Variants in PCDH9 observed in about 807,000 individuals in gnomAD.
The protein encoded by PCDH9 is protocadherin 9.
Under a neutral mutation model 70.6 loss-of-function variants are expected in PCDH9, and 24 were observed. The observed-to-expected ratio is 0.34, with a 90% CI of 0.25 to 0.48. PCDH9 has a LOEUF of 0.48. PCDH9 is among the 20% of genes least tolerant of loss of function. PCDH9 has a pLI of 0.99. For missense variants in PCDH9, 1,281 were observed against 1,503.6 expected (o/e 0.85, Z 2.45); for synonymous variants, 562 against 558.5 (o/e 1.01, Z -0.09).
At chr13:66,589,875 G>A (rs2077016516) in intron 4 of PCDH9, among the ~76,000 whole-genome samples, 1 of 152,108 alleles carries the variant, frequency 6.6e-6, no homozygotes, top group South Asian at 2.1e-4. Context: ...GATTGTGATT[G>A]CAGAAATTTC....
At chr13:66,582,755 C>A (rs1484392140) in intron 4 of PCDH9, among the ~76,000 whole-genome samples, 1 of 152,174 alleles carries the variant, frequency 6.6e-6, no homozygotes, top group Admixed American at 6.5e-5. Flanking sequence ...TGTGTGAACT[C>A]CTACATTCAG....
At chr13:66,949,671 C>T (rs1245454776) in intron 2 of PCDH9, among the ~76,000 whole-genome samples, 5 of 151,916 alleles carry the variant, frequency 3.3e-5, no homozygotes, top group Admixed American at 2.6e-4. Context: ...GATGCACAAC[C>T]TTAATCTTTT....
chr13:66,496,561 T>C (rs1959121237), intron 4 of PCDH9, among the ~76,000 whole-genome samples: 1 of 152,216 alleles, frequency 6.6e-6, no homozygotes, highest in African/African-American at 2.4e-5. Flanking sequence ...AATAAATAAA[T>C]ATTTTATGTG....
intron 3 of PCDH9, among the ~76,000 whole-genome samples, chr13:66,870,905 T>A (rs932315330): frequency 7.2e-5 from 11 of 152,196 alleles, no homozygotes; most frequent in Non-Finnish European, 1.5e-4. Context: ...CCCAAAGGAC[T>A]ATAAATCATG....
intron 4 of PCDH9, among the ~76,000 whole-genome samples, chr13:66,522,661 C>A (rs994250443): frequency 6.6e-6 from 1 of 151,796 alleles, no homozygotes; most frequent in Non-Finnish European, 1.5e-5. Flanking sequence ...AGGGAAAGGA[C>A]ACACAGAAAG....
chr13:66,672,650 T>C (rs531820232), intron 3 of PCDH9, among the ~76,000 whole-genome samples: 73 of 152,232 alleles, frequency 4.8e-4, no homozygotes, highest in Admixed American at 1.0e-3. Context: ...GTGAAAGCAG[T>C]TGGGAGGGGG....
chr13:66,398,905 G>C (rs1957145468), intron 4 of PCDH9, among the ~76,000 whole-genome samples: 1 of 152,098 alleles, frequency 6.6e-6, no homozygotes, highest in Non-Finnish European at 1.5e-5. Flanking sequence ...ATGCTACCAA[G>C]GGGTAAGGTG....
At chr13:66,774,796 T>G (rs2079864379) in intron 3 of PCDH9, among the ~76,000 whole-genome samples, 2 of 152,220 alleles carry the variant, frequency 1.3e-5, no homozygotes, top group Admixed American at 6.5e-5. Context: ...CAATTATCCC[T>G]GTCCTCCTAA....
At chr13:67,138,249 G>T (rs1256870581) in intron 2 of PCDH9, among the ~76,000 whole-genome samples, 1 of 152,296 alleles carries the variant, frequency 6.6e-6, no homozygotes, top group East Asian at 1.9e-4. Context: ...TTGAAGTGTT[G>T]TGAGAACCAA....
intron 4 of PCDH9, among the ~76,000 whole-genome samples, chr13:66,497,812 T>C (rs1254068128): frequency 4.1e-5 from 6 of 147,518 alleles, no homozygotes; most frequent in African/African-American, 9.8e-5. Flanking sequence ...TACACACTCT[T>C]ACTTTTTTTT....
chr13:66,913,883 C>A (rs2082513423), intron 2 of PCDH9, among the ~76,000 whole-genome samples: 1 of 151,914 alleles, frequency 6.6e-6, no homozygotes, highest in African/African-American at 2.4e-5. Context: ...TTTTAACTCT[C>A]ATTTCCACAT....
At position 66,887,077 on chromosome 13, in the gene PCDH9, A is replaced by ACACC. The variant is rs1491222485; in HGVS notation, c.3138+16426_3138+16427insGGTG. Among the ~76,000 whole-genome samples, 494 of 124,366 alleles carry ACACC rather than the reference A, an allele frequency of 4.0e-3. 6 individuals are homozygous for ACACC. The highest frequency in any genetic ancestry group is 0.014 in the African/African-American group (455 of 33,490). 81.6% of individuals were successfully genotyped at this position (124,366 alleles called of 152,430 possible). On this transcript the variant is annotated intron_variant, in intron 3 of 4. Transcript: ENST00000377865. ...CACACACACACACACACACACACAC[A>ACACC]CCCTGTATTTCTAGACAATTCATTA...
At chr13:66,379,276 T>A (rs1296287925) in intron 4 of PCDH9, among the ~76,000 whole-genome samples, 1 of 152,098 alleles carries the variant, frequency 6.6e-6, no homozygotes, top group Non-Finnish European at 1.5e-5. Context: ...TACAAACAGG[T>A]TTTTCGGAGT....
intron 3 of PCDH9, among the ~76,000 whole-genome samples, chr13:66,750,583 G>T (rs771153686): frequency 2.8e-4 from 42 of 151,456 alleles, no homozygotes; most frequent in Non-Finnish European, 5.6e-4. Flanking sequence ...AAACAAAAAA[G>T]AATAATAAAA....
chr13:66,851,989 G>A (rs550727657), intron 3 of PCDH9, among the ~76,000 whole-genome samples: 1 of 151,962 alleles, frequency 6.6e-6, no homozygotes, highest in South Asian at 2.1e-4. Flanking sequence ...CTGATTGTGG[G>A]TATGAAGAGA....
At position 67,225,889 on chromosome 13, in the gene PCDH9, T is replaced by C. The variant is rs753963373; in HGVS notation, c.2552A>G (p.Lys851Arg). The C allele has an allele frequency of 6.2e-7, 1 of 1,614,132 alleles. No individual in the cohort carries two copies. The highest frequency in any genetic ancestry group is 1.1e-5 in the South Asian group (1 of 91,082). Residue 851 changes from lysine (K) to arginine (R), a missense_variant, in exon 2 of 5, where the codon AAG becomes AGG. Transcript: ENST00000377865. ...ASRFKAAQRS[K>R]QGAEWMSPNQ... is the part of the protein sequence containing the mutation. Reference sequence around the variant, plus strand: ...TGGGGACATCCATTCGGCACCTTGCTTGCTCCTCTGAGCTGCTTTGAACCT... The same window carrying C: ...TGGGGACATCCATTCGGCACCTTGCCTGCTCCTCTGAGCTGCTTTGAACCT...
intron 2 of PCDH9, among the ~76,000 whole-genome samples, chr13:67,158,199 C>T (rs1178810479): frequency 6.6e-6 from 1 of 152,094 alleles, no homozygotes; most frequent in Non-Finnish European, 1.5e-5. Context: ...TTATTTTAGG[C>T]CCAAAGAAAG....
intron 4 of PCDH9, among the ~76,000 whole-genome samples, chr13:66,558,306 TG>T (rs1239108856): frequency 2.0e-5 from 3 of 152,124 alleles, no homozygotes; most frequent in African/African-American, 7.2e-5. Flanking sequence ...ATTAAACAAA[TG>T]TATGCTTTTT....
At chr13:66,767,540 T>C (rs1189529978) in intron 3 of PCDH9, among the ~76,000 whole-genome samples, 1 of 152,104 alleles carries the variant, frequency 6.6e-6, no homozygotes. Context: ...GATACACACC[T>C]TAATAGCAGT....
Sources: allele counts gnomAD v4.1 joint callset (sites outside exome capture counted in the v4.1 genomes callset), GRCh38; gene constraint gnomAD v4.1.1; transcripts MANE v1.5; gene names NCBI Gene and HGNC (gene_info 2026-07-23, HGNC 2026-07-21).